The following ADCY3 variants were observed in gnomAD, a reference collection of about 807,000 sequenced individuals.
The protein encoded by ADCY3 is adenylate cyclase type 3.
Under a neutral mutation model 119.4 loss-of-function variants are expected in ADCY3, and 70 were observed. The observed-to-expected ratio is 0.59, with a 90% confidence interval of 0.48 to 0.72. ADCY3 has a LOEUF of 0.72. ADCY3 is among the 30% of genes least tolerant of loss of function. ADCY3 has a pLI of 0.00. For missense variants in ADCY3, 1,238 were observed against 1,541.6 expected (o/e 0.80, Z 3.30); for synonymous variants, 672 against 621.4 (o/e 1.08, Z -1.21).
rs1670407974 is a variant in ADCY3, at chr2:24,837,054, AAGG to A, written c.1534-12_1534-10del. 6.2e-7 allele frequency: 1 copy of A among 1,613,584 alleles called. No individual in the cohort carries two copies. Among genetic ancestry groups the A allele is most frequent in the Non-Finnish European group, 8.5e-7 (1 of 1,179,792 alleles). On this transcript the variant is annotated splice_polypyrimidine_tract_variant and intron_variant, in intron 8 of 21. Transcript: ENST00000679454. Reference sequence around the variant, plus strand: ...GCTCCATTGGGCAGGGCCTAGAGGAAAGGAGAGCTCAGCCATGATCTGGGCATG... The same window carrying A: ...GCTCCATTGGGCAGGGCCTAGAGGAAAGAGCTCAGCCATGATCTGGGCATG...
rs373539536 is a variant in ADCY3, at chr2:24,842,234, C to G, written c.956+20G>C. ...CACAGCCTGCTCTGCCATCAGAGCC[C>G]GCGCCCCGGGCCGGCGTACCTGACG... On this transcript the variant is annotated intron_variant, in intron 4 of 21. Coordinates refer to ENST00000679454, the MANE Select transcript of ADCY3 (RefSeq NM_004036.5). This position sits in a 1 kb window ranked among gnomAD's most constrained non-coding sequence, Gnocchi z 4.9. 57 of 1,613,582 alleles carry G rather than the reference C, an allele frequency of 3.5e-5. No individual in the cohort carries two copies. The South Asian group carries it at 5.5e-4, about 16-fold the overall frequency.
intron 9 of ADCY3, among the ~76,000 whole-genome samples, chr2:24,836,072 G>A (rs79988608): frequency 0.072 from 11,001 of 152,180 alleles, 437 homozygotes; most frequent in Non-Finnish European, 0.08. Context: ...TGGCAGCAGC[G>A]GGAACCTGTT....
At chr2:24,907,800 G>A (rs1663053105) in intron 2 of ADCY3, among the ~76,000 whole-genome samples, 1 of 152,026 alleles carries the variant, frequency 6.6e-6, no homozygotes, top group Admixed American at 6.6e-5. Context: ...TTGGAGACCA[G>A]CCTGGCCAAC....
At chr2:24,887,392 G>A (rs1039676080) in intron 2 of ADCY3, among the ~76,000 whole-genome samples, 2 of 152,050 alleles carry the variant, frequency 1.3e-5, no homozygotes, top group African/African-American at 4.8e-5. Context: ...ACTCTCTCTA[G>A]CCTTCCACCT....
intron 2 of ADCY3, among the ~76,000 whole-genome samples, chr2:24,912,613 G>A (rs1191293964): frequency 1.6e-5 from 2 of 128,764 alleles, no homozygotes; most frequent in Non-Finnish European, 3.3e-5. Flanking sequence ...GCATGTGTGT[G>A]TGTGTGTGTG....
rs926016727 is a variant in ADCY3 at position 24,878,339 on chromosome 2, T to C, written c.676-5620A>G. 1.3e-4 allele frequency among the ~76,000 whole-genome samples: 19 copies of C among 151,788 alleles called. No homozygotes were observed. Among genetic ancestry groups the C allele is most frequent in the African/African-American group, 4.4e-4 (18 of 41,376 alleles). On this transcript the variant is annotated intron_variant, in intron 2 of 21. Coordinates refer to ENST00000679454, the MANE Select transcript of ADCY3 (RefSeq NM_004036.5). The surrounding 1 kb of genome is among the most constrained non-coding windows in gnomAD (Gnocchi z 4.0). ...ATCCTTCACGTTTGCTAACAACCCG[T>C]AGGGAAATGGGGCTGCTCTAAGTGG...
chr2:24,831,526 GTGCCTGGACCGTCCTAACAGAGGAGTGTC>G, intron 12 of ADCY3, 107 bp downstream of exon 12: 1 of 720,644 alleles, frequency 1.4e-6, no homozygotes, highest in Non-Finnish European at 2.4e-6. Flanking sequence ...GGATGGGCAA[GTGCCTGGACCGTCCTAACAGAGGAGTGTC>G]TGCCTGTCAG....
At chr2:24,849,875 C>G (rs778369148) in intron 3 of ADCY3, among the ~76,000 whole-genome samples, 40 of 152,176 alleles carry the variant, frequency 2.6e-4, no homozygotes, top group Non-Finnish European at 4.3e-4. Context: ...GCCGGCTCCT[C>G]TCATTCAGTC....
At chr2:24,851,157 C>T (rs546038344) in intron 3 of ADCY3, among the ~76,000 whole-genome samples, 3 of 152,294 alleles carry the variant, frequency 2.0e-5, no homozygotes, top group African/African-American at 7.2e-5. Context: ...AAGGGAACAT[C>T]CCTCAAGGCC....
intron 20 of ADCY3, 132 bp from the exon 21 acceptor site, chr2:24,820,980 TGTATGCTATTGGAGG>T: frequency 7.6e-7 from 1 of 1,323,866 alleles, no homozygotes; most frequent in East Asian, 2.4e-5. Flanking sequence ...TCAACTTGGC[TGTATGCTATTGGAGG>T]GTGGAAATCA....
chr2:24,900,476 G>C (rs903185538), intron 2 of ADCY3, among the ~76,000 whole-genome samples: 1 of 152,008 alleles, frequency 6.6e-6, no homozygotes, highest in Non-Finnish European at 1.5e-5. Flanking sequence ...TAAATGTATA[G>C]CTACAGAATT....
rs558838901 is a variant in ADCY3, at chr2:24,875,087, G to C, written c.676-2368C>G. Among the ~76,000 whole-genome samples, 13 of 152,300 alleles carry C rather than the reference G, an allele frequency of 8.5e-5. No individual in the cohort carries two copies. The East Asian group carries it at 2.3e-3, about 27-fold the overall frequency. ...CAGTGCTGTTCACTCGATAGAGCCTGTCCCATCTGTCCCTATGAGATGGCC... is the reference window on the plus strand; with the variant it reads ...CAGTGCTGTTCACTCGATAGAGCCTCTCCCATCTGTCCCTATGAGATGGCC... On this transcript the variant is annotated intron_variant, in intron 2 of 21. Transcript: ENST00000679454.
chr2:24,882,450 A>G (rs1246840412), intron 2 of ADCY3, among the ~76,000 whole-genome samples: 1 of 152,180 alleles, frequency 6.6e-6, no homozygotes. Flanking sequence ...GATGACTGAG[A>G]ACCACAAAAC....
intron 2 of ADCY3, among the ~76,000 whole-genome samples, chr2:24,905,891 A>G (rs1353827970): frequency 6.6e-6 from 1 of 152,234 alleles, no homozygotes; most frequent in Non-Finnish European, 1.5e-5. Flanking sequence ...TGGTGGTTCA[A>G]GTCGAATGAC....
At position 24,859,177 on chromosome 2, in the gene ADCY3, TG is replaced by T. The variant is rs527303015; in HGVS notation, c.825+13392del. 1.5e-3 allele frequency among the ~76,000 whole-genome samples: 223 copies of T among 152,178 alleles called. 2 individuals carry two copies. The highest frequency in any genetic ancestry group is 5.2e-3 in the African/African-American group (215 of 41,532). ...TACAATGCAAGGCTGATGCTGGGGG[TG>T]GGGACGTGTCTGTGTGTCTCCTGTG... is the stretch of plus-strand genomic sequence containing the variant. On this transcript the variant is annotated intron_variant, in intron 3 of 21. Coordinates refer to ENST00000679454, the MANE Select transcript of ADCY3 (RefSeq NM_004036.5).
chr2:24,837,190 C>T (rs568649904), intron 8 of ADCY3, 145 bp from the exon 9 acceptor site: 25 of 964,358 alleles, frequency 2.6e-5, no homozygotes, highest in African/African-American at 8.3e-5. Flanking sequence ...CAAAGTGAGG[C>T]GTCAAGGATG....
intron 3 of ADCY3, among the ~76,000 whole-genome samples, chr2:24,857,853 C>T (rs1673194864): frequency 6.6e-6 from 1 of 152,176 alleles, no homozygotes; most frequent in Non-Finnish European, 1.5e-5. Flanking sequence ...CCGTCCTCTG[C>T]TTTCTCTCCA....
chr2:24,907,432 G>A (rs994578654), intron 2 of ADCY3, among the ~76,000 whole-genome samples: 1 of 152,188 alleles, frequency 6.6e-6, no homozygotes, highest in Non-Finnish European at 1.5e-5. Flanking sequence ...TCTGAAACAA[G>A]TCATTTACTT....
chr2:24,834,470 CGG>C lies in ADCY3; in HGVS notation c.1967+13_1967+14del. 8 of 1,591,458 alleles carry C rather than the reference CGG, an allele frequency of 5.0e-6. No homozygotes were observed. The highest frequency in any genetic ancestry group is 3.4e-5 in the Admixed American group (2 of 59,334). On this transcript the variant is annotated intron_variant, in intron 11 of 21. Coordinates refer to ENST00000679454, the MANE Select transcript of ADCY3 (RefSeq NM_004036.5). The surrounding 1 kb of genome is among the most constrained non-coding windows in gnomAD (Gnocchi z 4.2). ...AGCCGAGGAAACTCGTGGCCCTCCC[CGG>C]CCCCTCCCTCACCAGGGGTCGATGA... is the stretch of plus-strand genomic sequence containing the variant.
Sources: allele counts gnomAD v4.1 joint callset (sites outside exome capture counted in the v4.1 genomes callset), GRCh38; gene constraint gnomAD v4.1.1; non-coding constraint Gnocchi (gnomAD v3.1); transcripts MANE v1.5; gene names NCBI Gene and HGNC (gene_info 2026-07-23, HGNC 2026-07-21).